Variants in PRELID2 observed in about 807,000 individuals in gnomAD.
The protein encoded by PRELID2 is PRELI domain containing 2.
Under a neutral mutation model 28.4 loss-of-function variants are expected in PRELID2, and 25 were observed. The ratio of observed to expected loss-of-function variants is 0.88; its 90% CI spans 0.64 to 1.23. PRELID2 has a LOEUF of 1.23. PRELID2 is among the 50% of genes most tolerant of loss of function. PRELID2 has a pLI of 0.00. For synonymous variants in PRELID2, 76 were observed against 71.6 expected, an observed-to-expected ratio of 1.06 and a Z score of -0.31; for missense variants, 201 against 214.4, an observed-to-expected ratio of 0.94 and a Z score of 0.39.
intron 2 of PRELID2, among the ~76,000 whole-genome samples, chr5:145,821,251 C>CTG (rs1018358884): frequency 8.0e-6 from 1 of 124,696 alleles, no homozygotes; most frequent in African/African-American, 2.8e-5. Flanking sequence ...AAGCCCTCTT[C>CTG]TGTGTGTATG....
intron 1 of PRELID2, among the ~76,000 whole-genome samples, chr5:145,658,828 A>T (rs1754438716): frequency 6.6e-6 from 1 of 152,204 alleles, no homozygotes; most frequent in African/African-American, 2.4e-5. Context: ...ATATAAATCA[A>T]TAAATAAGCT....
At chr5:145,581,247 A>G (rs1483334553) in intron 1 of PRELID2, among the ~76,000 whole-genome samples, 1 of 152,060 alleles carries the variant, frequency 6.6e-6, no homozygotes, top group East Asian at 1.9e-4. Context: ...AAGTGCTGTC[A>G]TAACAGCCTG....
chr5:145,274,161 A>C, the PRELID2 span, among the ~76,000 whole-genome samples: 1 of 152,174 alleles, frequency 6.6e-6, no homozygotes, highest in South Asian at 2.1e-4. Context: ...TCCATGAAAA[A>C]TTATACTTAG....
At chr5:145,331,214 T>G in the PRELID2 span, among the ~76,000 whole-genome samples, 5 of 152,082 alleles carry the variant, frequency 3.3e-5, no homozygotes, top group African/African-American at 1.2e-4. Flanking sequence ...AATTTTACAA[T>G]AAGTGTGATG....
chr5:145,770,991 T>A (rs1019073065), intron 5 of PRELID2, among the ~76,000 whole-genome samples: 1 of 152,164 alleles, frequency 6.6e-6, no homozygotes, highest in African/African-American at 2.4e-5. Flanking sequence ...GGTTTATAAA[T>A]CTGTAGTAAT....
rs1324627970 is a variant in PRELID2 at position 145,655,187 on chromosome 5, T to C, written n.70+109744A>G. On this transcript the variant is annotated intron_variant and non_coding_transcript_variant, in intron 1 of 2. Coordinates refer to the PRELID2 transcript ENST00000510259. ...GAATAAAATACCTAGGAATCCAACT[T>C]ACAAGGGATGTGAAGGACCTCTTCA... Among the ~76,000 whole-genome samples the C allele has an allele frequency of 4.1e-4, 62 of 151,788 alleles. 1 individual carries two copies. The highest frequency in any genetic ancestry group is 4.0e-3 in the Admixed American group (61 of 15,188).
the PRELID2 span, among the ~76,000 whole-genome samples, chr5:145,259,276 C>A: frequency 6.6e-6 from 1 of 152,198 alleles, no homozygotes; most frequent in Non-Finnish European, 1.5e-5. Flanking sequence ...CCCACTGGGG[C>A]ACTGCCTAGT....
the PRELID2 span, among the ~76,000 whole-genome samples, chr5:145,416,123 G>T: frequency 6.6e-6 from 1 of 151,664 alleles, no homozygotes; most frequent in East Asian, 1.9e-4. Context: ...CTTTTTGATG[G>T]GGTTGTTTGT....
At chr5:145,768,531 T>G (rs576644956) in intron 5 of PRELID2, among the ~76,000 whole-genome samples, 1 of 152,160 alleles carries the variant, frequency 6.6e-6, no homozygotes, top group Non-Finnish European at 1.5e-5. Flanking sequence ...TGGACAATAA[T>G]TAAATGTCTT....
rs138471015 is a variant in PRELID2, at chr5:145,796,559, A to G, written c.369-12T>C. Reference sequence around the variant, plus strand: ...GAATGAACTCTGTCCTGCAAAAAAAACAAAAAACACATCTTTGATGTCATT... The same window carrying G: ...GAATGAACTCTGTCCTGCAAAAAAAGCAAAAAACACATCTTTGATGTCATT... On this transcript the variant is annotated splice_polypyrimidine_tract_variant and intron_variant, in intron 4 of 6. Transcript: ENST00000683046. 121 of 1,537,426 alleles carry G rather than the reference A, an allele frequency of 7.9e-5. No homozygotes were observed. In the East Asian group the frequency reaches 2.6e-3, roughly 33 times the overall value.
the PRELID2 span, among the ~76,000 whole-genome samples, chr5:145,333,248 C>T: frequency 6.6e-6 from 1 of 152,182 alleles, no homozygotes; most frequent in Non-Finnish European, 1.5e-5. Flanking sequence ...GCATGGAGGT[C>T]AGGGACCCAC....
intron 3 of PRELID2, among the ~76,000 whole-genome samples, chr5:145,818,480 T>C (rs1754531970): frequency 6.6e-6 from 1 of 152,210 alleles, no homozygotes; most frequent in South Asian, 2.1e-4. Flanking sequence ...TATGGTTTCC[T>C]AGGTGAAGAC....
At chr5:145,521,900 C>G (rs545062910) in intron 1 of PRELID2, among the ~76,000 whole-genome samples, 4 of 152,286 alleles carry the variant, frequency 2.6e-5, no homozygotes, top group African/African-American at 9.6e-5. Flanking sequence ...TTGTATTTGA[C>G]CATAGAAAGT....
At chr5:145,801,399 T>G (rs918505482) in intron 4 of PRELID2, among the ~76,000 whole-genome samples, 3 of 152,148 alleles carry the variant, frequency 2.0e-5, no homozygotes. Context: ...AAGTACATAG[T>G]GTTTCATCAT....
At chr5:145,468,277 TGG>T (rs1406240553), downstream of PRELID2, among the ~76,000 whole-genome samples, 2 of 152,260 alleles carry the variant, frequency 1.3e-5, no homozygotes, top group East Asian at 3.9e-4. Flanking sequence ...TAGTATTCCA[TGG>T]TATATATGTG....
chr5:145,828,995 G>A (rs1755404405), intron 1 of PRELID2, among the ~76,000 whole-genome samples: 1 of 151,812 alleles, frequency 6.6e-6, no homozygotes, highest in African/African-American at 2.4e-5. Context: ...GTGCCACCAT[G>A]CCCCGGCTAA....
chr5:145,835,216 C>T lies in PRELID2; in HGVS notation c.36G>A (p.Lys12=), dbSNP rs781109128. ...GVSVDVHQVY[K]YPFEQVVASF... is the part of the protein sequence containing the mutation. Reference sequence around the variant, plus strand: ...TGGCGACCACCTGCTCGAAGGGGTACTTGTACACCTGGTGCACATCCACCG... The same window carrying T: ...TGGCGACCACCTGCTCGAAGGGGTATTTGTACACCTGGTGCACATCCACCG... The change falls in exon 1 of 7, where the codon AAG becomes AAA. Residue 12 remains lysine, a synonymous_variant. Transcript: ENST00000683046. 240 of 1,550,740 alleles carry T rather than the reference C, an allele frequency of 1.5e-4. No homozygotes were observed. The highest frequency in any genetic ancestry group is 1.7e-4 in the Middle Eastern group (1 of 5,730).
At chr5:145,558,387 T>C (rs76711109) in intron 1 of PRELID2, among the ~76,000 whole-genome samples, 2,973 of 152,344 alleles carry the variant, frequency 0.02, 86 homozygotes, top group African/African-American at 0.068. Flanking sequence ...CAGATACACA[T>C]ATGTGCATGG....
chr5:145,728,481 T>C (rs1307457727), intron 1 of PRELID2: 4 of 667,476 alleles, frequency 6.0e-6, no homozygotes, highest in Non-Finnish European at 8.2e-6. Context: ...CAGGAAGTGT[T>C]CTCCCCTCCC....
Sources: allele counts gnomAD v4.1 joint callset (sites outside exome capture counted in the v4.1 genomes callset), GRCh38; gene constraint gnomAD v4.1.1; transcripts MANE v1.5; gene names NCBI Gene and HGNC (gene_info 2026-07-23, HGNC 2026-07-21).